Variants in CLEC2L observed in about 807,000 individuals in gnomAD.
The protein encoded by CLEC2L is C-type lectin domain family 2, member L.
Under a neutral mutation model 23.6 loss-of-function variants are expected in CLEC2L, and 14 were observed. That is an observed-to-expected ratio of 0.59 (90% confidence interval 0.39 to 0.93). CLEC2L has a LOEUF of 0.93. Among genes scored for constraint, CLEC2L ranks in the 40% least tolerant of loss-of-function variants. The pLI, the probability that CLEC2L is intolerant of heterozygous loss-of-function variation, is 0.00. For synonymous variants in CLEC2L, 114 were observed against 121.3 expected (o/e 0.94, Z 0.40); for missense variants, 264 against 282.4 (o/e 0.93, Z 0.47).
At chr7:139,528,285 A>G (rs1214874513) in intron 1 of CLEC2L, among the ~76,000 whole-genome samples, 3 of 152,224 alleles carry the variant, frequency 2.0e-5, no homozygotes, top group African/African-American at 7.2e-5. Context: ...CTAATCCCAT[A>G]TGAACTGGCA....
intron 1 of CLEC2L, chr7:139,534,456 C>T (rs1797624265): frequency 9.9e-6 from 8 of 809,392 alleles, no homozygotes; most frequent in South Asian, 6.7e-5. Context: ...CCTGGTTTAC[C>T]GAGCTGATAC....
chr7:139,523,982 G>A lies in CLEC2L; in HGVS notation c.55G>A (p.Ala19Thr). The change falls in exon 1 of 5, where the codon GCG becomes ACG. Residue 19 changes from alanine to threonine, a missense_variant. Coordinates refer to ENST00000422142, the MANE Select transcript of CLEC2L (RefSeq NM_001080511.4). The surrounding 1 kb of genome is among the most constrained non-coding windows in gnomAD (Gnocchi z 4.1). ...GGCCCGGCCGCCGCCGCCCCTCGCCGCGCGCCCCGCGCCCGCCCCCGCCGC... is the reference window on the plus strand; with the variant it reads ...GGCCCGGCCGCCGCCGCCCCTCGCCACGCGCCCCGCGCCCGCCCCCGCCGC... ...SRARPPPPLA[A>T]RPAPAPAAPR... is the part of the protein sequence containing the mutation. 1 of 980,282 alleles carries A rather than the reference G, an allele frequency of 1.0e-6. No individual in the cohort carries two copies. The highest frequency in any genetic ancestry group is 1.2e-6 in the Non-Finnish European group (1 of 825,582). 60.7% of individuals were successfully genotyped at this position (980,282 alleles called of 1,614,324 possible). A position where few individuals can be genotyped will look rare whatever the true frequency, so the allele number is the denominator to read the frequency against.
chr7:139,540,376 C>G lies in CLEC2L; in HGVS notation c.321C>G (p.Tyr107Ter), dbSNP rs764635541. ...CCTGCCCGGAGGACTGGCTGCTCTA[C>G]GGAAGGAAGTGCTACTTCTTTTCCG... ...EAPCPEDWLL[Y>*]GRKCYFFSEE... The change falls in exon 3 of 5, where the codon TAC (tyrosine) becomes TAG (stop). Residue 107 changes from tyrosine to a stop codon, truncating the protein, a stop_gained. Coordinates refer to ENST00000422142, the MANE Select transcript of CLEC2L (RefSeq NM_001080511.4). LOFTEE classifies it high-confidence loss of function. The surrounding 1 kb of genome is among the most constrained non-coding windows in gnomAD (Gnocchi z 5.8). The G allele has an allele frequency of 6.2e-7, 1 of 1,611,552 alleles. No individual in the cohort carries two copies. The highest frequency in any genetic ancestry group is 8.5e-7 in the Non-Finnish European group (1 of 1,179,138).
chr7:139,544,211 G>A lies in CLEC2L; in HGVS notation c.534-20G>A. ...GAATGTTCCAGATCATAAACGCCTGGTCTTCTCTCCTGGCCACAGGTTCAC... is the reference window on the plus strand; with the variant it reads ...GAATGTTCCAGATCATAAACGCCTGATCTTCTCTCCTGGCCACAGGTTCAC... On this transcript the variant is annotated intron_variant, in intron 4 of 4. Transcript: ENST00000422142. 1.3e-6 allele frequency: 2 copies of A among 1,587,948 alleles called. No homozygotes were observed. The highest frequency in any genetic ancestry group is 1.7e-6 in the Non-Finnish European group (2 of 1,160,080).
chr7:139,540,434 T>C lies in CLEC2L; in HGVS notation c.379T>C (p.Tyr127His), dbSNP rs1463807744. The change falls in exon 3 of 5, where the codon TAC becomes CAC. Residue 127 changes from tyrosine to histidine, a missense_variant. Coordinates refer to ENST00000422142, the MANE Select transcript of CLEC2L (RefSeq NM_001080511.4). The surrounding 1 kb of genome is among the most constrained non-coding windows in gnomAD (Gnocchi z 5.8). Reference sequence around the variant, plus strand: ...CAGAGACTGGAACACAGGCAGGCAGTACTGCCACACCCACGAGGCGGTGCT... The same window carrying C: ...CAGAGACTGGAACACAGGCAGGCAGCACTGCCACACCCACGAGGCGGTGCT... ...EPRDWNTGRQ[Y>H]CHTHEAVLAV... 1 of 1,605,334 alleles carries C rather than the reference T, an allele frequency of 6.2e-7. No individual in the cohort carries two copies. Among genetic ancestry groups the C allele is most frequent in the East Asian group, 2.2e-5 (1 of 44,550 alleles).
intron 1 of CLEC2L, among the ~76,000 whole-genome samples, chr7:139,528,132 T>C (rs535905085): frequency 2.0e-5 from 3 of 152,292 alleles, no homozygotes; most frequent in African/African-American, 7.2e-5. Flanking sequence ...GTTAGACATT[T>C]GTTAGAAGTT....
intron 1 of CLEC2L, among the ~76,000 whole-genome samples, chr7:139,525,303 G>A (rs1338616204): frequency 4.6e-5 from 7 of 152,110 alleles, no homozygotes; most frequent in Non-Finnish European, 1.0e-4. Context: ...CAGCAGCTGG[G>A]CCAAGGCAGG....
intron 1 of CLEC2L, among the ~76,000 whole-genome samples, chr7:139,535,205 T>C (rs1797635894): frequency 1.3e-5 from 2 of 152,204 alleles, no homozygotes; most frequent in South Asian, 4.1e-4. Context: ...AGCCTTAAGA[T>C]GGAATGAAGT....
intron 4 of CLEC2L, among the ~76,000 whole-genome samples, chr7:139,543,458 G>T (rs552906335): frequency 2.6e-5 from 4 of 152,196 alleles, no homozygotes; most frequent in Non-Finnish European, 5.9e-5. Context: ...CCTTTCCCTT[G>T]CACTCCTTCT....
chr7:139,534,400 T>C (rs1337962119), intron 1 of CLEC2L: 2 of 928,028 alleles, frequency 2.2e-6, no homozygotes, highest in East Asian at 4.8e-5. Context: ...AAATATGACA[T>C]CAGTCAGTTG....
rs74574982 is a variant in CLEC2L, at chr7:139,534,376, A to G, written c.191-1898A>G. ...AGACATGTGAAAAGAATGAATCCCA[A>G]CAGTCCCTCTATCAAATATGACATC... On this transcript the variant is annotated intron_variant, in intron 1 of 4. Transcript: ENST00000422142. 2,534 of 934,850 alleles carry G rather than the reference A, an allele frequency of 2.7e-3. 38 individuals are homozygous for G. In the African/African-American group the frequency reaches 0.036, roughly 13 times the overall value. 57.9% of individuals were successfully genotyped at this position (934,850 alleles called of 1,614,324 possible). A position where few individuals can be genotyped will look rare whatever the true frequency, so the allele number is the denominator to read the frequency against.
At chr7:139,534,974 A>C (rs78690203) in intron 1 of CLEC2L, among the ~76,000 whole-genome samples, 3 of 151,742 alleles carry the variant, frequency 2.0e-5, no homozygotes, top group East Asian at 1.9e-4. Context: ...AAAAAAAAAA[A>C]ACAAAAGAAC....
chr7:139,536,297 G>A lies in CLEC2L; in HGVS notation c.214G>A (p.Gly72Ser), dbSNP rs2116318253. The change falls in exon 2 of 5, where the codon GGT becomes AGT. Residue 72 changes from glycine to serine, a missense_variant. Gly to Ser is a moderately conservative substitution (Grantham distance 56). Coordinates refer to ENST00000422142, the MANE Select transcript of CLEC2L (RefSeq NM_001080511.4). Reference protein sequence around the residue: ...LEDTTTRLLLGAIAVLLFAIL... With the variant: ...LEDTTTRLLLSAIAVLLFAIL... ...AGACACCACCACACGCCTCCTGCTG[G>A]GTGCCATCGCGGTCCTTCTGTTCGC... is the stretch of plus-strand genomic sequence containing the variant. 6.4e-7 allele frequency: 1 copy of A among 1,551,454 alleles called. No individual in the cohort carries two copies. Among genetic ancestry groups the A allele is most frequent in the Non-Finnish European group, 8.7e-7 (1 of 1,146,852 alleles).
At chr7:139,530,082 G>T (rs1209461153) in intron 1 of CLEC2L, among the ~76,000 whole-genome samples, 3 of 151,876 alleles carry the variant, frequency 2.0e-5, no homozygotes, top group Non-Finnish European at 4.4e-5. Context: ...TACTCAGGAG[G>T]CTGAGGCAGG....
intron 3 of CLEC2L, among the ~76,000 whole-genome samples, chr7:139,541,791 G>C (rs921805750): frequency 4.6e-5 from 7 of 152,340 alleles, no homozygotes; most frequent in African/African-American, 1.4e-4. Context: ...GCTGTCGGAG[G>C]CAACTGCTGT....
In CLEC2L at chr7:139,542,315, G is replaced by T. The variant is rs535162306; in HGVS notation, c.533+194G>T. Among the ~76,000 whole-genome samples, 308 of 152,302 alleles carry T rather than the reference G, an allele frequency of 2.0e-3. 4 individuals are homozygous for T. The highest frequency in any genetic ancestry group is 8.1e-4 in the Non-Finnish European group (55 of 68,034). On this transcript the variant is annotated intron_variant, in intron 4 of 4. Transcript: ENST00000422142. ...CTTCTCCCTCTCTCATAAAAGTCCA[G>T]CCTGGCTTGGTGGCTCTGCCCTGCA...
At chr7:139,534,973 A>C (rs1342994402) in intron 1 of CLEC2L, among the ~76,000 whole-genome samples, 4 of 151,904 alleles carry the variant, frequency 2.6e-5, no homozygotes, top group South Asian at 4.1e-4. Flanking sequence ...AAAAAAAAAA[A>C]AACAAAAGAA....
intron 1 of CLEC2L, among the ~76,000 whole-genome samples, chr7:139,536,012 C>T (rs555651539): frequency 6.6e-6 from 1 of 152,336 alleles, no homozygotes; most frequent in South Asian, 2.1e-4. Flanking sequence ...GGGCTTTAAA[C>T]ACAGCTTGTT....
intron 1 of CLEC2L, among the ~76,000 whole-genome samples, chr7:139,530,907 C>T: frequency 6.6e-6 from 1 of 151,662 alleles, no homozygotes; most frequent in East Asian, 1.9e-4. Flanking sequence ...ATGCTGAGGA[C>T]AGCATCCCAG....
Sources: gnomAD v4.1 joint callset for allele counts (sites outside exome capture counted in the v4.1 genomes callset) on GRCh38, gnomAD v4.1.1 for gene constraint, Gnocchi (gnomAD v3.1) non-coding constraint, MANE v1.5 for transcripts, NCBI Gene and HGNC (gene_info 2026-07-23, HGNC 2026-07-21) for gene names.